SLC35F4: variants seen among roughly 807,000 people sequenced by gnomAD.
SLC35F4 encodes the protein chromosome 14 open reading frame 36.
A neutral mutation model predicts 44.2 loss-of-function variants in SLC35F4; 24 were observed. The observed-to-expected ratio is 0.54, with a 90% CI of 0.39 to 0.76. SLC35F4 has a LOEUF of 0.76. Among genes scored for constraint, SLC35F4 ranks in the 30% least tolerant of loss-of-function variants. The pLI, the probability that SLC35F4 is intolerant of heterozygous loss-of-function variation, is 0.00. For synonymous variants in SLC35F4, 238 were observed against 223.6 expected, an observed-to-expected ratio of 1.06 and a Z score of -0.57; for missense variants, 562 against 586.1, an observed-to-expected ratio of 0.96 and a Z score of 0.42.
chr14:57,783,308 G>GA (rs2077673648), intron 1 of SLC35F4, among the ~76,000 whole-genome samples: 1 of 152,008 alleles, frequency 6.6e-6, no homozygotes, highest in Admixed American at 6.6e-5. Flanking sequence ...AGAGGCAGCA[G>GA]AGAGTTCCCA....
chr14:57,674,054 TTTATC>T (rs1227433317), intron 1 of SLC35F4, among the ~76,000 whole-genome samples: 19 of 152,208 alleles, frequency 1.2e-4, no homozygotes, highest in Admixed American at 2.0e-4. Flanking sequence ...TTTTTTTACT[TTTATC>T]TTAAGTTCAG....
chr14:57,578,231 T>A (rs2068940159), intron 4 of SLC35F4, among the ~76,000 whole-genome samples: 1 of 148,632 alleles, frequency 6.7e-6, no homozygotes, highest in South Asian at 2.2e-4. Context: ...ATGAAAATTA[T>A]AATCCAACAA....
intron 1 of SLC35F4, among the ~76,000 whole-genome samples, chr14:57,723,815 T>C (rs2076141548): frequency 6.6e-6 from 1 of 152,204 alleles, no homozygotes; most frequent in South Asian, 2.1e-4. Context: ...ACTGGTCCAT[T>C]ACATTGATGA....
chr14:57,688,514 A>G (rs897931790), intron 1 of SLC35F4, among the ~76,000 whole-genome samples: 1 of 152,206 alleles, frequency 6.6e-6, no homozygotes, highest in Admixed American at 6.5e-5. Context: ...GACAGGGATA[A>G]TAACAGAATA....
intron 1 of SLC35F4, among the ~76,000 whole-genome samples, chr14:57,825,078 T>C (rs1183624598): frequency 6.6e-6 from 1 of 151,906 alleles, no homozygotes; most frequent in East Asian, 1.9e-4. Flanking sequence ...TTGGAATATA[T>C]TTTGATGGTA....
At chr14:57,970,173 T>C (rs1881010604) in intron 1 of SLC35F4, among the ~76,000 whole-genome samples, 2 of 152,210 alleles carry the variant, frequency 1.3e-5, no homozygotes, top group Non-Finnish European at 2.9e-5. Context: ...ACTTATCAAC[T>C]AGCATGAAAT....
At chr14:57,570,409 A>T (rs941581082) in intron 5 of SLC35F4, among the ~76,000 whole-genome samples, 1 of 152,212 alleles carries the variant, frequency 6.6e-6, no homozygotes, top group African/African-American at 2.4e-5. Flanking sequence ...CCCTGTCATT[A>T]TGTTGTTGAG....
At chr14:57,776,169 C>T (rs572801837) in intron 1 of SLC35F4, among the ~76,000 whole-genome samples, 8 of 152,262 alleles carry the variant, frequency 5.3e-5, no homozygotes, top group African/African-American at 1.7e-4. Flanking sequence ...AAATCTATGA[C>T]TCACTGGTGT....
chr14:57,630,525 C>CA, intron 1 of SLC35F4: 1 of 1,127,180 alleles, frequency 8.9e-7, no homozygotes, highest in Non-Finnish European at 1.3e-6. Flanking sequence ...AGAGGCACCT[C>CA]AAAAATAGAT....
intron 1 of SLC35F4, among the ~76,000 whole-genome samples, chr14:57,852,595 G>C (rs555529967): frequency 1.1e-4 from 16 of 152,314 alleles, no homozygotes; most frequent in African/African-American, 3.8e-4. Context: ...TTTTCAAAAA[G>C]TTCTTAACTT....
At chr14:57,622,927 A>G (rs2140099852) in intron 1 of SLC35F4, among the ~76,000 whole-genome samples, 1 of 152,312 alleles carries the variant, frequency 6.6e-6, no homozygotes, top group South Asian at 2.1e-4. Flanking sequence ...ATAACTAGCT[A>G]GCATCATATG....
chr14:57,854,567 A>G (rs761088667), intron 1 of SLC35F4, among the ~76,000 whole-genome samples: 14 of 152,016 alleles, frequency 9.2e-5, no homozygotes, highest in Non-Finnish European at 1.8e-4. Flanking sequence ...TCACTATCCC[A>G]TCTTCACCCC....
chr14:57,820,291 A>T (rs539364022), intron 1 of SLC35F4, among the ~76,000 whole-genome samples: 2 of 152,198 alleles, frequency 1.3e-5, no homozygotes, highest in Non-Finnish European at 2.9e-5. Flanking sequence ...ATCTTTCAGT[A>T]TATGCTTATT....
chr14:57,831,873 G>T (rs992485043), intron 1 of SLC35F4, among the ~76,000 whole-genome samples: 1 of 152,162 alleles, frequency 6.6e-6, no homozygotes, highest in African/African-American at 2.4e-5. Context: ...CCATAGAAAT[G>T]CAGGAAATAG....
At chr14:57,744,281 A>T (rs1192605320) in intron 1 of SLC35F4, among the ~76,000 whole-genome samples, 2 of 152,228 alleles carry the variant, frequency 1.3e-5, no homozygotes, top group Admixed American at 1.3e-4. Flanking sequence ...AGAGGAAGTC[A>T]AATTGTCCCT....
intron 1 of SLC35F4, among the ~76,000 whole-genome samples, chr14:57,956,778 A>C (rs2141084730): frequency 6.6e-6 from 1 of 152,354 alleles, no homozygotes; most frequent in East Asian, 1.9e-4. Context: ...CGATCATTAA[A>C]AGTCAGGAAA....
At chr14:57,846,404 C>G (rs915939834) in intron 1 of SLC35F4, among the ~76,000 whole-genome samples, 8 of 152,108 alleles carry the variant, frequency 5.3e-5, no homozygotes, top group Non-Finnish European at 1.2e-4. Flanking sequence ...TTATTCAGTC[C>G]TGAAACAAAC....
At chr14:57,755,547 C>A (rs2076975981) in intron 1 of SLC35F4, among the ~76,000 whole-genome samples, 1 of 152,106 alleles carries the variant, frequency 6.6e-6, no homozygotes, top group South Asian at 2.1e-4. Context: ...TTCTTTTGCA[C>A]CCCTAAGCTC....
intron 1 of SLC35F4, among the ~76,000 whole-genome samples, chr14:57,938,328 G>T (rs1245992115): frequency 6.6e-6 from 1 of 152,142 alleles, no homozygotes; most frequent in African/African-American, 2.4e-5. Context: ...CAAAGGGGAA[G>T]AAAAATGTTA....
Sources: gnomAD v4.1 joint callset for allele counts (sites outside exome capture counted in the v4.1 genomes callset) on GRCh38, gnomAD v4.1.1 for gene constraint, MANE v1.5 for transcripts, NCBI Gene and HGNC (gene_info 2026-07-23, HGNC 2026-07-21) for gene names.